FAF1: variants seen among roughly 807,000 people sequenced by gnomAD.
FAF1 encodes the protein Fas associated factor 1.
A neutral mutation model predicts 92.5 loss-of-function variants in FAF1; 25 were observed. The ratio of observed to expected loss-of-function variants is 0.27; its 90% CI spans 0.20 to 0.38. The LOEUF is 0.38. FAF1 is among the 10% of genes least tolerant of loss of function. FAF1 has a pLI of 1.00. For synonymous variants in FAF1, 234 were observed against 273.2 expected, an observed-to-expected ratio of 0.86 and a Z score of 1.42; for missense variants, 636 against 793.3, an observed-to-expected ratio of 0.80 and a Z score of 2.38.
At chr1:50,745,387 A>G (rs1007459365) in intron 4 of FAF1, among the ~76,000 whole-genome samples, 24 of 152,314 alleles carry the variant, frequency 1.6e-4, no homozygotes, top group African/African-American at 5.8e-4. Context: ...AGAGAAGAGC[A>G]ACAAGAATTT....
chr1:50,911,285 T>C (rs1408901877), intron 1 of FAF1, among the ~76,000 whole-genome samples: 1 of 149,640 alleles, frequency 6.7e-6, no homozygotes, highest in Non-Finnish European at 1.5e-5. Flanking sequence ...TTGGCCAGGC[T>C]GTTCTGGAAC....
At chr1:50,949,132 A>C (rs78461270) in intron 1 of FAF1, among the ~76,000 whole-genome samples, 3,046 of 152,330 alleles carry the variant, frequency 0.02, 100 homozygotes, top group African/African-American at 0.07. Context: ...TCTCAAGTGT[A>C]GTCCTTGGAT....
intron 18 of FAF1, among the ~76,000 whole-genome samples, chr1:50,449,420 A>T (rs533365428): frequency 2.6e-5 from 4 of 151,846 alleles, no homozygotes; most frequent in Admixed American, 2.6e-4. Flanking sequence ...AGTGAAGCTG[A>T]CTATATTTGC....
At chr1:50,887,927 A>G (rs1318648230) in intron 1 of FAF1, among the ~76,000 whole-genome samples, 1 of 152,214 alleles carries the variant, frequency 6.6e-6, no homozygotes, top group Non-Finnish European at 1.5e-5. Flanking sequence ...AGTCATTGGT[A>G]GCTTGATGGG....
intron 2 of FAF1, among the ~76,000 whole-genome samples, chr1:50,802,365 C>T (rs1171168212): frequency 2.6e-5 from 4 of 152,178 alleles, no homozygotes; most frequent in Admixed American, 6.5e-5. Context: ...GCTGGGATTA[C>T]AGGCATGAGC....
At chr1:50,568,962 A>T (rs1351434254) in intron 12 of FAF1, among the ~76,000 whole-genome samples, 1 of 152,158 alleles carries the variant, frequency 6.6e-6, no homozygotes, top group African/African-American at 2.4e-5. Context: ...TTATTCATTC[A>T]TTCAACAAGC....
chr1:50,800,488 CA>C (rs1353550817), intron 3 of FAF1, among the ~76,000 whole-genome samples: 1 of 152,128 alleles, frequency 6.6e-6, no homozygotes, highest in Non-Finnish European at 1.5e-5. Context: ...CAAACAACAA[CA>C]AACTAAAGAT....
intron 2 of FAF1, among the ~76,000 whole-genome samples, chr1:50,823,628 C>A (rs1644066515): frequency 6.6e-6 from 1 of 151,576 alleles, no homozygotes; most frequent in African/African-American, 2.4e-5. Context: ...AACTACCTTA[C>A]CAATGAGTTG....
At chr1:50,774,106 G>A (rs192169022) in intron 4 of FAF1, among the ~76,000 whole-genome samples, 2 of 152,234 alleles carry the variant, frequency 1.3e-5, no homozygotes, top group Admixed American at 6.5e-5. Flanking sequence ...TTGATGGCAC[G>A]GAGGCAACAG....
At chr1:50,833,587 C>T (rs1168112018) in intron 2 of FAF1, among the ~76,000 whole-genome samples, 3 of 152,064 alleles carry the variant, frequency 2.0e-5, no homozygotes, top group Non-Finnish European at 4.4e-5. Flanking sequence ...AATCTCTATC[C>T]CCTGTCCTCT....
At chr1:50,645,549 C>A (rs772143112) in intron 8 of FAF1, among the ~76,000 whole-genome samples, 1 of 152,234 alleles carries the variant, frequency 6.6e-6, no homozygotes, top group East Asian at 1.9e-4. Context: ...TGTGGCCAGG[C>A]GCTATGGCTC....
intron 18 of FAF1, among the ~76,000 whole-genome samples, chr1:50,462,520 TCAA>T (rs928801508): frequency 3.3e-5 from 5 of 152,140 alleles, no homozygotes; most frequent in African/African-American, 1.2e-4. Flanking sequence ...AAAATAAATA[TCAA>T]CAACTCCTCC....
chr1:50,578,894 G>T (rs951662722), intron 12 of FAF1, among the ~76,000 whole-genome samples: 9 of 151,990 alleles, frequency 5.9e-5, no homozygotes, highest in African/African-American at 2.2e-4. Context: ...TTATAGAAAT[G>T]TAATAAACTG....
intron 18 of FAF1, among the ~76,000 whole-genome samples, chr1:50,468,633 G>C (rs1446916211): frequency 6.6e-6 from 1 of 151,870 alleles, no homozygotes; most frequent in Non-Finnish European, 1.5e-5. Context: ...CTAATTTTTT[G>C]TATTTTTAGT....
chr1:50,672,535 G>A (rs542361069), intron 7 of FAF1, among the ~76,000 whole-genome samples: 56 of 150,226 alleles, frequency 3.7e-4, no homozygotes, highest in Non-Finnish European at 6.2e-4. Context: ...TGCCTACCTC[G>A]ACCTACCAAA....
At chr1:50,917,515 A>C (rs1644926574) in intron 1 of FAF1, among the ~76,000 whole-genome samples, 1 of 152,114 alleles carries the variant, frequency 6.6e-6, no homozygotes, top group Non-Finnish European at 1.5e-5. Flanking sequence ...AATTCAATGT[A>C]TTAATGTATT....
intron 8 of FAF1, among the ~76,000 whole-genome samples, chr1:50,636,317 A>G (rs1019453990): frequency 2.7e-5 from 4 of 149,924 alleles, no homozygotes; most frequent in Admixed American, 1.3e-4. Context: ...CTAGTCAACT[A>G]CCATACCTGA....
chr1:50,635,368 A>T (rs1300370729), intron 8 of FAF1, among the ~76,000 whole-genome samples: 1 of 152,204 alleles, frequency 6.6e-6, no homozygotes, highest in East Asian at 1.9e-4. Context: ...ACAACTTGAA[A>T]TGCAAAGAAT....
chr1:50,839,832 A>G (rs1644241569), intron 2 of FAF1, among the ~76,000 whole-genome samples: 1 of 152,116 alleles, frequency 6.6e-6, no homozygotes, highest in Non-Finnish European at 1.5e-5. Context: ...AAAGAATTTC[A>G]AAAAGCTAAG....
Sources: gnomAD v4.1 joint callset for allele counts (sites outside exome capture counted in the v4.1 genomes callset) on GRCh38, gnomAD v4.1.1 for gene constraint, MANE v1.5 for transcripts, NCBI Gene and HGNC (gene_info 2026-07-23, HGNC 2026-07-21) for gene names.